Variants in DACH1 observed in about 807,000 individuals in gnomAD.
The protein encoded by DACH1 is dachshund homolog 1.
A neutral mutation model predicts 54.2 loss-of-function variants in DACH1; 12 were observed. That is an observed-to-expected ratio of 0.22 (90% CI 0.14 to 0.36). The LOEUF is 0.36. Ranked by LOEUF, DACH1 falls within the 10% of genes least tolerant of loss-of-function variation. DACH1 has a pLI of 1.00. For synonymous variants in DACH1, 386 were observed against 366.2 expected (o/e 1.05, Z -0.62); for missense variants, 805 against 929.8 (o/e 0.87, Z 1.75).
intron 1 of DACH1, among the ~76,000 whole-genome samples, chr13:71,865,691 G>A (rs1458374808): frequency 1.3e-5 from 2 of 152,270 alleles, no homozygotes; most frequent in East Asian, 1.9e-4. Flanking sequence ...GGACCCAGAG[G>A]GCAAGGGGAG....
At chr13:71,496,979 T>C (rs1369231232) in intron 6 of DACH1, among the ~76,000 whole-genome samples, 2 of 152,144 alleles carry the variant, frequency 1.3e-5, no homozygotes, top group Non-Finnish European at 2.9e-5. Context: ...ATGATACAGC[T>C]ATGGTAAAAT....
chr13:71,795,975 T>G (rs1351475616), intron 1 of DACH1, among the ~76,000 whole-genome samples: 2 of 152,148 alleles, frequency 1.3e-5, no homozygotes, highest in South Asian at 2.1e-4. Flanking sequence ...GAGAGCGTTA[T>G]GAGACATGAA....
intron 1 of DACH1, among the ~76,000 whole-genome samples, chr13:71,809,985 G>A (rs893213258): frequency 6.6e-6 from 1 of 152,170 alleles, no homozygotes; most frequent in Non-Finnish European, 1.5e-5. Flanking sequence ...AGTAGACAAT[G>A]CTGTGTGTGT....
At chr13:71,803,656 C>T (rs1887375961) in intron 1 of DACH1, among the ~76,000 whole-genome samples, 1 of 152,072 alleles carries the variant, frequency 6.6e-6, no homozygotes, top group African/African-American at 2.4e-5. Flanking sequence ...AAAATCATGA[C>T]CCTATTAGAC....
chr13:71,808,909 C>A lies in DACH1; in HGVS notation c.848+57013G>T, dbSNP rs550773928. On this transcript the variant is annotated intron_variant, in intron 1 of 10. Transcript: ENST00000613252. ...TTTAATTGCAGAACTTAAAACCTCA[C>A]AATTAAAAGCTGTGCTGCTACTTAA... Among the ~76,000 whole-genome samples, 5 of 152,212 alleles carry A rather than the reference C, an allele frequency of 3.3e-5. No individual in the cohort carries two copies. The East Asian group carries it at 7.7e-4, about 24-fold the overall frequency.
At chr13:71,549,884 T>A (rs1253560661) in intron 6 of DACH1, among the ~76,000 whole-genome samples, 1 of 152,124 alleles carries the variant, frequency 6.6e-6, no homozygotes, top group Non-Finnish European at 1.5e-5. Flanking sequence ...ATGTTTCTCC[T>A]CAAAATATTT....
At chr13:71,656,761 A>C (rs918536958) in intron 2 of DACH1, among the ~76,000 whole-genome samples, 4 of 150,680 alleles carry the variant, frequency 2.7e-5, no homozygotes, top group Admixed American at 6.6e-5. Context: ...ATGGGAAAGA[A>C]GATGAGTTTT....
At chr13:71,829,868 A>G (rs1888517530) in intron 1 of DACH1, among the ~76,000 whole-genome samples, 1 of 151,926 alleles carries the variant, frequency 6.6e-6, no homozygotes, top group Non-Finnish European at 1.5e-5. Flanking sequence ...ACCATCTAGT[A>G]ATAAAGATTA....
At chr13:71,704,827 G>T (rs1050418852) in intron 1 of DACH1, among the ~76,000 whole-genome samples, 2 of 151,854 alleles carry the variant, frequency 1.3e-5, no homozygotes, top group African/African-American at 4.8e-5. Context: ...ATTTTTTACT[G>T]AAAGACATGA....
At chr13:71,497,982 G>C (rs1879588511) in intron 6 of DACH1, among the ~76,000 whole-genome samples, 2 of 151,586 alleles carry the variant, frequency 1.3e-5, no homozygotes, top group African/African-American at 4.9e-5. Flanking sequence ...AACCACTTAA[G>C]AGGCTTCTTG....
intron 4 of DACH1, among the ~76,000 whole-genome samples, 175 bp downstream of exon 4, chr13:71,572,665 C>A (rs910851975): frequency 9.9e-5 from 15 of 152,054 alleles, no homozygotes; most frequent in Admixed American, 3.3e-4. Context: ...GCAACCCTAG[C>A]CTGCCTAAGT....
chr13:71,514,097 T>C (rs186612933), intron 6 of DACH1, among the ~76,000 whole-genome samples: 6 of 152,144 alleles, frequency 3.9e-5, no homozygotes, highest in African/African-American at 1.4e-4. Context: ...AAATAAAAAG[T>C]CCATTTGAAT....
chr13:71,546,653 T>A (rs1433014851), intron 6 of DACH1, among the ~76,000 whole-genome samples: 2 of 151,924 alleles, frequency 1.3e-5, no homozygotes, highest in Non-Finnish European at 2.9e-5. Flanking sequence ...ATTAATTCAA[T>A]GAACTATCAA....
intron 6 of DACH1, among the ~76,000 whole-genome samples, chr13:71,526,771 A>C (rs948519028): frequency 2.6e-5 from 4 of 151,324 alleles, no homozygotes; most frequent in African/African-American, 4.8e-5. Flanking sequence ...GAATGCTTAC[A>C]ATAAACTTTA....
chr13:71,605,522 G>A (rs973640082), intron 3 of DACH1, among the ~76,000 whole-genome samples: 1 of 151,728 alleles, frequency 6.6e-6, no homozygotes, highest in African/African-American at 2.4e-5. Flanking sequence ...TACTAAATGT[G>A]ATAAAATAAT....
At chr13:71,735,410 ACACG>A in intron 1 of DACH1, among the ~76,000 whole-genome samples, 1 of 31,738 alleles carries the variant, frequency 3.2e-5, no homozygotes, top group African/African-American at 8.4e-5. Flanking sequence ...TACGGGATAT[ACACG>A]TATATGGGAT....
intron 1 of DACH1, among the ~76,000 whole-genome samples, chr13:71,706,356 T>C (rs1480435615): frequency 6.6e-6 from 1 of 152,044 alleles, no homozygotes; most frequent in African/African-American, 2.4e-5. Flanking sequence ...ATTTATATTT[T>C]TTACAGTGAG....
At chr13:71,672,307 G>T (rs1880252096) in intron 2 of DACH1, among the ~76,000 whole-genome samples, 1 of 152,110 alleles carries the variant, frequency 6.6e-6, no homozygotes, top group South Asian at 2.1e-4. Flanking sequence ...GAATAAGTAG[G>T]ATAATAAATG....
intron 1 of DACH1, among the ~76,000 whole-genome samples, chr13:71,822,016 G>A (rs990845764): frequency 3.3e-5 from 5 of 151,954 alleles, no homozygotes; most frequent in South Asian, 2.1e-4. Flanking sequence ...AACCGAGATC[G>A]CACCTCTGCA....
Sources: gnomAD v4.1 joint callset for allele counts (sites outside exome capture counted in the v4.1 genomes callset) on GRCh38, gnomAD v4.1.1 for gene constraint, MANE v1.5 for transcripts, NCBI Gene and HGNC (gene_info 2026-07-23, HGNC 2026-07-21) for gene names.